RBFOX1: variants seen among roughly 807,000 people sequenced by gnomAD.
RBFOX1 encodes RNA binding protein fox-1 homolog 1.
A neutral mutation model predicts 57.7 loss-of-function variants in RBFOX1; 8 were observed. That is an observed-to-expected ratio of 0.14 (90% CI 0.08 to 0.25). The LOEUF is 0.25. Ranked by LOEUF, RBFOX1 falls within the 10% of genes least tolerant of loss-of-function variation. The pLI is 1.00. For missense variants in RBFOX1, 611 were observed against 548.5 expected (o/e 1.11, Z -1.14); for synonymous variants, 326 against 222.4 (o/e 1.47, Z -4.15).
chr16:7,216,829 T>C (rs1482283933), intron 4 of RBFOX1, among the ~76,000 whole-genome samples: 2 of 152,298 alleles, frequency 1.3e-5, no homozygotes, highest in Admixed American at 1.3e-4. Flanking sequence ...TTCACAAATA[T>C]GTATTTACTT....
chr16:5,260,100 C>G (rs2062696519), intron 1 of RBFOX1, among the ~76,000 whole-genome samples: 1 of 152,258 alleles, frequency 6.6e-6, no homozygotes, highest in Non-Finnish European at 1.5e-5. Flanking sequence ...ACGTGGGAGG[C>G]TGAGGCAGGA....
intron 3 of RBFOX1, among the ~76,000 whole-genome samples, chr16:5,842,911 T>G (rs1466979044): frequency 1.3e-5 from 2 of 152,162 alleles, no homozygotes; most frequent in African/African-American, 4.8e-5. Context: ...CTCCGCCTCT[T>G]GGATTCAAGT....
intron 13 of RBFOX1, among the ~76,000 whole-genome samples, chr16:7,673,474 A>T (rs934859065): frequency 6.6e-6 from 1 of 152,160 alleles, no homozygotes; most frequent in African/African-American, 2.4e-5. Flanking sequence ...TGGGAGGCTG[A>T]ATTGGGAGGA....
intron 3 of RBFOX1, among the ~76,000 whole-genome samples, chr16:6,712,922 C>T (rs1404077995): frequency 1.4e-5 from 1 of 71,442 alleles, no homozygotes; most frequent in African/African-American, 3.7e-5. Context: ...GTGCTGTTCT[C>T]ATGATAGTGA....
intron 2 of RBFOX1, among the ~76,000 whole-genome samples, chr16:6,444,823 A>C (rs1292652419): frequency 6.6e-6 from 1 of 152,132 alleles, no homozygotes; most frequent in Non-Finnish European, 1.5e-5. Context: ...TGCAGAGATG[A>C]CCTTCTGAAG....
chr16:6,836,650 G>A (rs72766795), intron 3 of RBFOX1, among the ~76,000 whole-genome samples: 10,258 of 152,186 alleles, frequency 0.067, 512 homozygotes, highest in Non-Finnish European at 0.11. Context: ...ACCCCGCTTC[G>A]GGGGTGACAG....
chr16:7,505,356 C>T (rs183939231), intron 4 of RBFOX1, among the ~76,000 whole-genome samples: 255 of 152,114 alleles, frequency 1.7e-3, no homozygotes, highest in Admixed American at 3.8e-3. Context: ...CAGAGGTTTT[C>T]AGTGGCAAGA....
intron 3 of RBFOX1, among the ~76,000 whole-genome samples, chr16:6,786,922 C>CTTA (rs2082063250): frequency 6.6e-6 from 1 of 151,522 alleles, no homozygotes; most frequent in African/African-American, 2.4e-5. Context: ...AAAAAAAAGG[C>CTTA]TTATTGACTC....
chr16:7,542,432 G>A (rs1048194264), intron 5 of RBFOX1, among the ~76,000 whole-genome samples: 14 of 151,954 alleles, frequency 9.2e-5, no homozygotes, highest in African/African-American at 3.4e-4. Flanking sequence ...TACCCAAACG[G>A]GTGCAAGTGC....
chr16:6,188,538 C>A (rs974502451), intron 1 of RBFOX1, among the ~76,000 whole-genome samples: 1 of 151,710 alleles, frequency 6.6e-6, no homozygotes, highest in African/African-American at 2.4e-5. Context: ...AAACCAGAAA[C>A]CTTCAGCTAT....
chr16:7,155,127 A>G (rs1269397229), intron 4 of RBFOX1, among the ~76,000 whole-genome samples: 1 of 152,164 alleles, frequency 6.6e-6, no homozygotes, highest in East Asian at 1.9e-4. Context: ...AAGATAAACA[A>G]CTGTTATCAG....
At chr16:6,764,238 C>A (rs1027283943) in intron 3 of RBFOX1, among the ~76,000 whole-genome samples, 1 of 152,174 alleles carries the variant, frequency 6.6e-6, no homozygotes, top group Non-Finnish European at 1.5e-5. Context: ...AGCTGGCATG[C>A]AAATTGGCTG....
chr16:6,951,673 A>G (rs981338563), intron 3 of RBFOX1, among the ~76,000 whole-genome samples: 2 of 152,168 alleles, frequency 1.3e-5, no homozygotes, highest in East Asian at 3.9e-4. Context: ...TGCCTCATGG[A>G]TTCAGTGAGT....
At chr16:6,669,028 G>A (rs931476756) in intron 3 of RBFOX1, among the ~76,000 whole-genome samples, 7 of 152,068 alleles carry the variant, frequency 4.6e-5, no homozygotes, top group Admixed American at 6.5e-5. Flanking sequence ...CCCACTTCTT[G>A]ATGTGTGATT....
At chr16:6,512,578 G>C (rs1038081621) in intron 2 of RBFOX1, among the ~76,000 whole-genome samples, 2 of 152,132 alleles carry the variant, frequency 1.3e-5, no homozygotes, top group African/African-American at 4.8e-5. Flanking sequence ...TTAGTCTTCT[G>C]CCTCCAATGG....
At chr16:7,396,042 A>G (rs762903645) in intron 4 of RBFOX1, among the ~76,000 whole-genome samples, 1 of 152,146 alleles carries the variant, frequency 6.6e-6, no homozygotes, top group Non-Finnish European at 1.5e-5. Context: ...TTTCTGGGAC[A>G]CTGAATTCAT....
intron 2 of RBFOX1, among the ~76,000 whole-genome samples, chr16:6,508,513 C>G (rs916226215): frequency 2.0e-5 from 3 of 152,154 alleles, no homozygotes; most frequent in African/African-American, 7.2e-5. Flanking sequence ...TAAAACCTTC[C>G]AAAGGTGTCC....
At chr16:7,161,709 C>T (rs376562273) in intron 4 of RBFOX1, among the ~76,000 whole-genome samples, 1 of 152,114 alleles carries the variant, frequency 6.6e-6, no homozygotes, top group East Asian at 1.9e-4. Context: ...GGTTTCTGTC[C>T]TTCATTTGAG....
At chr16:6,891,043 C>T (rs1000453778) in intron 3 of RBFOX1, among the ~76,000 whole-genome samples, 8 of 152,114 alleles carry the variant, frequency 5.3e-5, no homozygotes, top group African/African-American at 1.9e-4. Flanking sequence ...ACGTCTGATT[C>T]CCCTTCATGT....
Sources: gnomAD v4.1 joint callset for allele counts (sites outside exome capture counted in the v4.1 genomes callset) on GRCh38, gnomAD v4.1.1 for gene constraint, MANE v1.5 for transcripts, NCBI Gene and HGNC (gene_info 2026-07-23, HGNC 2026-07-21) for gene names.